Variants in PABPC4L observed in about 807,000 individuals in gnomAD.
PABPC4L encodes the protein poly(A) binding protein cytoplasmic 4 like, also known as polyadenylate-binding protein 4-like.
For synonymous variants in PABPC4L, 169 were observed against 164.1 expected (o/e 1.03, Z -0.23); for missense variants, 452 against 451.4 (o/e 1.00, Z -0.01).
At position 134,200,683 on chromosome 4, in the gene PABPC4L, T is replaced by A; in HGVS notation, c.337A>T (p.Thr113Ser). 1 of 1,551,496 alleles carries A rather than the reference T, an allele frequency of 6.4e-7. No individual in the cohort carries two copies. Among genetic ancestry groups the A allele is most frequent in the African/African-American group, 1.4e-5 (1 of 73,092 alleles). The change falls in exon 2 of 2, where the codon ACC becomes TCC. Residue 113 changes from threonine (T) to serine (S), a missense_variant. Transcript: ENST00000421491. ...KNLDKSIDNK[T>S]LYEHFSAFGK... ...AAAGCTGAAAAATGTTCATAAAGGG[T>A]TTTGTTATCGATAGATTTGTCCAGA...
chr4:134,042,172 T>A, the PABPC4L span, among the ~76,000 whole-genome samples: 1 of 152,294 alleles, frequency 6.6e-6, no homozygotes, highest in African/African-American at 2.4e-5. Context: ...CTAAGTGTAG[T>A]AACTCAGGAA....
At chr4:134,011,887 C>T in the PABPC4L span, among the ~76,000 whole-genome samples, 1 of 152,140 alleles carries the variant, frequency 6.6e-6, no homozygotes, top group Non-Finnish European at 1.5e-5. Context: ...TTCATCACAG[C>T]ATTGATTGTA....
chr4:134,114,359 A>G, the PABPC4L span, among the ~76,000 whole-genome samples: 1 of 151,842 alleles, frequency 6.6e-6, no homozygotes, highest in African/African-American at 2.4e-5. Flanking sequence ...AGAAGGTTAC[A>G]ATAAGCAAAC....
chr4:133,949,911 T>C, the PABPC4L span, among the ~76,000 whole-genome samples: 39 of 152,174 alleles, frequency 2.6e-4, no homozygotes, highest in Non-Finnish European at 5.1e-4. Context: ...CGGGAGTCCA[T>C]ATATTAACTC....
chr4:134,137,438 G>T, the PABPC4L span, among the ~76,000 whole-genome samples: 1 of 151,738 alleles, frequency 6.6e-6, no homozygotes, highest in African/African-American at 2.4e-5. Flanking sequence ...CACTTGAGTT[G>T]CTTTATTTCA....
chr4:133,981,034 G>A, the PABPC4L span, among the ~76,000 whole-genome samples: 4 of 152,058 alleles, frequency 2.6e-5, no homozygotes, highest in Admixed American at 6.6e-5. Context: ...AGTGGCACAC[G>A]CCTGTAATTT....
At chr4:133,963,135 A>T in the PABPC4L span, among the ~76,000 whole-genome samples, 1 of 152,174 alleles carries the variant, frequency 6.6e-6, no homozygotes, top group Non-Finnish European at 1.5e-5. Context: ...CTTAAAATAA[A>T]AGAATGGAAA....
chr4:134,179,938 G>C, the PABPC4L span, among the ~76,000 whole-genome samples: 1 of 151,878 alleles, frequency 6.6e-6, no homozygotes, highest in East Asian at 1.9e-4. Context: ...AATAACTGTG[G>C]GATACTTTAA....
At chr4:133,969,890 G>A in the PABPC4L span, among the ~76,000 whole-genome samples, 4 of 151,876 alleles carry the variant, frequency 2.6e-5, no homozygotes, top group Admixed American at 1.3e-4. Context: ...GCAGGTTTCT[G>A]AATAAAACAG....
the PABPC4L span, among the ~76,000 whole-genome samples, chr4:134,188,671 G>T: frequency 6.6e-6 from 1 of 151,968 alleles, no homozygotes; most frequent in Non-Finnish European, 1.5e-5. Flanking sequence ...TGGTTACTAA[G>T]AACTCAGTTA....
At chr4:134,038,801 G>C in the PABPC4L span, among the ~76,000 whole-genome samples, 3 of 151,930 alleles carry the variant, frequency 2.0e-5, no homozygotes, top group Admixed American at 2.0e-4. Flanking sequence ...TTTGTGAAGG[G>C]TATTTCATAT....
the PABPC4L span, chr4:133,978,918 T>A: frequency 2.6e-4 from 40 of 152,168 alleles, no homozygotes; most frequent in African/African-American, 9.4e-4. Context: ...AACAAGACAG[T>A]TTGTCAGTTA....
the PABPC4L span, among the ~76,000 whole-genome samples, chr4:133,964,162 A>G: frequency 6.6e-6 from 1 of 152,092 alleles, no homozygotes; most frequent in Non-Finnish European, 1.5e-5. Context: ...CCACAGAAAT[A>G]TAAAGGATCA....
chr4:134,048,660 G>A, the PABPC4L span, among the ~76,000 whole-genome samples: 2 of 152,014 alleles, frequency 1.3e-5, no homozygotes. Flanking sequence ...TGTAGATATA[G>A]TAGTAATGAT....
At chr4:134,158,252 A>C in the PABPC4L span, among the ~76,000 whole-genome samples, 1 of 151,940 alleles carries the variant, frequency 6.6e-6, no homozygotes, top group Non-Finnish European at 1.5e-5. Context: ...ACCACTATTG[A>C]TTGTTACTTT....
At chr4:134,070,703 G>T in the PABPC4L span, among the ~76,000 whole-genome samples, 1 of 152,054 alleles carries the variant, frequency 6.6e-6, no homozygotes. Context: ...CATGTTGGTG[G>T]AGGTCACTTA....
chr4:133,964,224 A>T, the PABPC4L span, among the ~76,000 whole-genome samples: 1 of 152,048 alleles, frequency 6.6e-6, no homozygotes, highest in African/African-American at 2.4e-5. Flanking sequence ...CGTAGAAGAG[A>T]TAGATAAATT....
the PABPC4L span, among the ~76,000 whole-genome samples, chr4:134,172,896 A>T: frequency 6.6e-6 from 1 of 151,948 alleles, no homozygotes; most frequent in East Asian, 1.9e-4. Flanking sequence ...AAAAATGGAT[A>T]AAAGGTATGA....
the PABPC4L span, among the ~76,000 whole-genome samples, chr4:134,074,457 C>T: frequency 3.9e-5 from 6 of 152,116 alleles, no homozygotes; most frequent in Non-Finnish European, 5.9e-5. Context: ...CCCTCCAAGT[C>T]TCTAGGAAGT....
Sources: gnomAD v4.1 joint callset for allele counts (sites outside exome capture counted in the v4.1 genomes callset) on GRCh38, gnomAD v4.1.1 for gene constraint, MANE v1.5 for transcripts, NCBI Gene and HGNC (gene_info 2026-07-23, HGNC 2026-07-21) for gene names.